Variants in TOP1 observed in about 807,000 individuals in gnomAD.
TOP1 encodes the protein DNA topoisomerase I.
TOP1 carries 10 observed loss-of-function variants against 111.1 expected under a neutral mutation model. The ratio of observed to expected loss-of-function variants is 0.09; its 90% CI spans 0.06 to 0.15. The LOEUF (loss-of-function observed/expected upper bound fraction) is 0.15. Among genes scored for constraint, TOP1 ranks in the 10% least tolerant of loss-of-function variants. The probability of loss-of-function intolerance (pLI) is 1.00; values close to 1 mark genes in which losing one functional copy is unlikely to be tolerated. For synonymous variants in TOP1, 271 were observed against 302.9 expected, an observed-to-expected ratio of 0.89 and a Z score of 1.10; for missense variants, 474 against 926.7, an observed-to-expected ratio of 0.51 and a Z score of 6.34.
At chr20:41,059,745 G>A (rs2033522195) in intron 2 of TOP1, among the ~76,000 whole-genome samples, 1 of 152,028 alleles carries the variant, frequency 6.6e-6, no homozygotes, top group African/African-American at 2.4e-5. Context: ...ACACCATTAA[G>A]AAATAAAAAC....
At position 41,116,541 on chromosome 20, in the gene TOP1, T is replaced by C. The variant is rs2034333310; in HGVS notation, c.1822+149T>C. The C allele has an allele frequency of 1.2e-5, 7 of 597,492 alleles. No individual in the cohort carries two copies. Among genetic ancestry groups the C allele is most frequent in the Admixed American group, 2.9e-5 (1 of 35,030 alleles). 37.0% of individuals were successfully genotyped at this position (597,492 alleles called of 1,614,324 possible). A position where few individuals can be genotyped will look rare whatever the true frequency, so the allele number is the denominator to read the frequency against. On this transcript the variant is annotated intron_variant, in intron 17 of 20. Transcript: ENST00000361337. This position sits in a 1 kb window ranked among gnomAD's most constrained non-coding sequence, Gnocchi z 5.6. ...CTTTAGACCTCTAGTAGCGAGATAA[T>C]GCTTTGTTGTATAAACATAGGATCA... is the stretch of plus-strand genomic sequence containing the variant.
At position 41,090,841 on chromosome 20, in the gene TOP1, C is replaced by T. The variant is rs544882237; in HGVS notation, c.615-1631C>T. On this transcript the variant is annotated intron_variant, in intron 8 of 20. Transcript: ENST00000361337. ...TATTCTTTTTGTTACCTGTGTTTTA[C>T]GTGTCATATCCAATAAATCACTGTC... Among the ~76,000 whole-genome samples, 12 of 152,276 alleles carry T rather than the reference C, an allele frequency of 7.9e-5. No homozygotes were observed. The South Asian group carries it at 1.9e-3, about 24-fold the overall frequency.
Sources: allele counts gnomAD v4.1 joint callset (sites outside exome capture counted in the v4.1 genomes callset), GRCh38; gene constraint gnomAD v4.1.1; non-coding constraint Gnocchi (gnomAD v3.1); transcripts MANE v1.5; gene names NCBI Gene and HGNC (gene_info 2026-07-23, HGNC 2026-07-21).